The following RAPGEF6 variants were observed in gnomAD, a reference collection of about 807,000 sequenced individuals.
RAPGEF6 encodes Rap guanine nucleotide exchange factor 6, also known as PDZ domain containing guanine nucleotide exchange factor (GEF) 2.
Under a neutral mutation model 171.4 loss-of-function variants are expected in RAPGEF6, and 56 were observed. The ratio of observed to expected loss-of-function variants is 0.33; its 90% CI spans 0.26 to 0.41. The LOEUF (loss-of-function observed/expected upper bound fraction) is 0.41. RAPGEF6 is among the 10% of genes least tolerant of loss of function. RAPGEF6 has a pLI of 1.00. For synonymous variants in RAPGEF6, 692 were observed against 650.1 expected (o/e 1.06, Z -0.98); for missense variants, 1,674 against 1,921.4 (o/e 0.87, Z 2.41).
At chr5:131,604,170 C>A (rs568001707) in intron 2 of RAPGEF6, among the ~76,000 whole-genome samples, 144 of 152,236 alleles carry the variant, frequency 9.5e-4, no homozygotes, top group African/African-American at 3.4e-3. Flanking sequence ...ACATACCATA[C>A]CCAGCTGAAG....
intron 14 of RAPGEF6, among the ~76,000 whole-genome samples, chr5:131,491,108 C>A (rs960163836): frequency 1.3e-5 from 2 of 151,972 alleles, no homozygotes; most frequent in East Asian, 1.9e-4. Context: ...ATACAAATAA[C>A]TGAACAATAA....
chr5:131,577,941 G>T (rs1762703455), intron 4 of RAPGEF6, among the ~76,000 whole-genome samples: 1 of 152,016 alleles, frequency 6.6e-6, no homozygotes, highest in South Asian at 2.1e-4. Context: ...CCCACTACTT[G>T]GACTGCACCC....
chr5:131,625,172 G>C (rs1330169757), intron 1 of RAPGEF6, among the ~76,000 whole-genome samples: 8 of 152,214 alleles, frequency 5.3e-5, no homozygotes, highest in Admixed American at 5.2e-4. Context: ...TGAGGCAGGA[G>C]AATCCCTTGA....
chr5:131,518,489 C>G (rs1758251855), intron 7 of RAPGEF6, among the ~76,000 whole-genome samples: 1 of 151,946 alleles, frequency 6.6e-6, no homozygotes. Flanking sequence ...CCTCCGCCTC[C>G]TGGGTTCAAG....
chr5:131,582,014 GCTC>G (rs1269692809), intron 4 of RAPGEF6, among the ~76,000 whole-genome samples: 1 of 152,106 alleles, frequency 6.6e-6, no homozygotes, highest in East Asian at 1.9e-4. Context: ...GCAAAAAATT[GCTC>G]CTAACTCCAC....
At chr5:131,617,700 G>C (rs1212025046) in intron 1 of RAPGEF6, among the ~76,000 whole-genome samples, 1 of 152,128 alleles carries the variant, frequency 6.6e-6, no homozygotes, top group Admixed American at 6.5e-5. Flanking sequence ...TCGAGACAAG[G>C]CTGGACAACA....
At chr5:131,479,792 C>A in intron 15 of RAPGEF6, 39 bp from the exon 16 acceptor site, 1 of 1,585,582 alleles carries the variant, frequency 6.3e-7, no homozygotes, top group Non-Finnish European at 8.6e-7. Flanking sequence ...TATTTCTTCT[C>A]TTCAGAAAAT....
At chr5:131,598,601 T>A (rs1764043491) in intron 3 of RAPGEF6, among the ~76,000 whole-genome samples, 1 of 152,226 alleles carries the variant, frequency 6.6e-6, no homozygotes, top group South Asian at 2.1e-4. Flanking sequence ...GAACACTGAT[T>A]ACTGAGTCTT....
At chr5:131,539,954 G>A (rs1400061276) in intron 6 of RAPGEF6, among the ~76,000 whole-genome samples, 3 of 152,126 alleles carry the variant, frequency 2.0e-5, no homozygotes, top group Non-Finnish European at 4.4e-5. Flanking sequence ...TAGATGGAAA[G>A]AAAATACATA....
chr5:131,517,618 A>G (rs13188328), intron 7 of RAPGEF6, among the ~76,000 whole-genome samples: 1 of 102,686 alleles, frequency 9.7e-6, no homozygotes, highest in African/African-American at 2.9e-5. Context: ...GCTAAGATAC[A>G]TACATTGGCA....
At chr5:131,549,692 A>C (rs1350845011) in intron 5 of RAPGEF6, among the ~76,000 whole-genome samples, 7 of 152,010 alleles carry the variant, frequency 4.6e-5, no homozygotes, top group Admixed American at 4.6e-4. Context: ...AAAAAAAAAA[A>C]AGTTATGTGA....
intron 3 of RAPGEF6, 47 bp from the exon 4 acceptor site, chr5:131,592,513 T>G: frequency 6.3e-7 from 1 of 1,588,172 alleles, no homozygotes; most frequent in Non-Finnish European, 8.6e-7. Context: ...ACACACATGT[T>G]CATATGTATA....
At chr5:131,594,899 T>C (rs1426991050) in intron 3 of RAPGEF6, among the ~76,000 whole-genome samples, 1 of 82,060 alleles carries the variant, frequency 1.2e-5, no homozygotes, top group Non-Finnish European at 2.7e-5. Flanking sequence ...ATCTCCATTG[T>C]ATTTTGGAAG....
At chr5:131,522,213 C>T (rs1389327332) in intron 6 of RAPGEF6, among the ~76,000 whole-genome samples, 2 of 152,074 alleles carry the variant, frequency 1.3e-5, no homozygotes, top group African/African-American at 4.8e-5. Flanking sequence ...TTAATATGGT[C>T]GCATTCTTAC....
At chr5:131,460,135 T>C (rs1216212651) in intron 19 of RAPGEF6, among the ~76,000 whole-genome samples, 1 of 152,150 alleles carries the variant, frequency 6.6e-6, no homozygotes, top group Non-Finnish European at 1.5e-5. Context: ...GAACAAATAT[T>C]CTTTGTAACA....
rs1751692973 is a variant in RAPGEF6, at chr5:131,431,343, T to C, written c.3981A>G (p.Thr1327=). 5.0e-6 allele frequency: 8 copies of C among 1,587,212 alleles called. No individual in the cohort carries two copies. The highest frequency in any genetic ancestry group is 4.5e-5 in the East Asian group (2 of 44,296). The change falls in exon 26 of 28, where the codon ACA becomes ACG. Residue 1327 remains threonine, a synonymous_variant. Transcript: ENST00000509018. ...ACTTGATTAGAGATGGCTTCAAGAG[T>C]GTCCACCTAAAATTGGAGATAACGT... is the stretch of plus-strand genomic sequence containing the variant. ...GDHSQHGPGW[T]LLKPSLIKCL...
At chr5:131,486,726 A>ATTT (rs5871425) in intron 15 of RAPGEF6, among the ~76,000 whole-genome samples, 300 of 127,238 alleles carry the variant, frequency 2.4e-3, no homozygotes, top group African/African-American at 6.5e-3. Flanking sequence ...CAAGGGATAA[A>ATTT]TTTTTTTTTT....
chr5:131,460,857 G>A (rs1305940741), intron 19 of RAPGEF6, among the ~76,000 whole-genome samples: 2 of 152,144 alleles, frequency 1.3e-5, no homozygotes, highest in African/African-American at 4.8e-5. Flanking sequence ...TAATCTACAT[G>A]AGGAGTAGAA....
At chr5:131,491,378 AATG>A in intron 14 of RAPGEF6, among the ~76,000 whole-genome samples, 1 of 152,230 alleles carries the variant, frequency 6.6e-6, no homozygotes, top group East Asian at 1.9e-4. Context: ...ATTTTTAAAA[AATG>A]ATAACATGGC....
Sources: gnomAD v4.1 joint callset for allele counts (sites outside exome capture counted in the v4.1 genomes callset) on GRCh38, gnomAD v4.1.1 for gene constraint, MANE v1.5 for transcripts, NCBI Gene and HGNC (gene_info 2026-07-23, HGNC 2026-07-21) for gene names.